The following USH2A variants were observed in gnomAD, a reference collection of about 807,000 sequenced individuals.
USH2A encodes usherin.
A neutral mutation model predicts 538.9 loss-of-function variants in USH2A; 443 were observed. That is an observed-to-expected ratio of 0.82 (90% confidence interval 0.76 to 0.89). USH2A has a LOEUF of 0.89. Ranked by LOEUF, USH2A falls within the 40% of genes least tolerant of loss-of-function variation. The pLI is 0.00. For missense variants in USH2A, 6,633 were observed against 6,324.8 expected (o/e 1.05, Z -1.65); for synonymous variants, 2,413 against 2,273.5 (o/e 1.06, Z -1.75).
intron 32 of USH2A, among the ~76,000 whole-genome samples, chr1:216,029,808 C>T (rs962448386): frequency 4.6e-5 from 7 of 151,434 alleles, no homozygotes; most frequent in Admixed American, 1.3e-4. Context: ...GGTCATGATG[C>T]GTTGTTAATG....
intron 14 of USH2A, among the ~76,000 whole-genome samples, chr1:216,225,303 T>C (rs577660311): frequency 1.1e-3 from 167 of 152,324 alleles, no homozygotes; most frequent in African/African-American, 3.7e-3. Context: ...TTATCTCTTT[T>C]CAATGTTGAA....
chr1:215,650,038 C>T (rs1266662315), intron 65 of USH2A, among the ~76,000 whole-genome samples: 1 of 152,166 alleles, frequency 6.6e-6, no homozygotes, highest in Admixed American at 6.5e-5. Flanking sequence ...TGTTAACGAA[C>T]AAACAGTGGA....
intron 61 of USH2A, among the ~76,000 whole-genome samples, chr1:215,691,769 G>A (rs1658619978): frequency 6.6e-6 from 1 of 152,186 alleles, no homozygotes; most frequent in Non-Finnish European, 1.5e-5. Context: ...CTGGGCTAGA[G>A]TAAGTGTTCA....
At chr1:216,369,441 G>C (rs2038660629) in intron 3 of USH2A, among the ~76,000 whole-genome samples, 1 of 152,082 alleles carries the variant, frequency 6.6e-6, no homozygotes, top group African/African-American at 2.4e-5. Flanking sequence ...AACTGGTAAA[G>C]TCTCCTCACT....
intron 34 of USH2A, among the ~76,000 whole-genome samples, chr1:215,996,000 T>C (rs554123963): frequency 1.6e-4 from 25 of 152,152 alleles, no homozygotes; most frequent in Non-Finnish European, 3.2e-4. Flanking sequence ...AACCTCTGCC[T>C]CTCGGGTTCA....
rs375940005 is a variant in USH2A at position 215,919,823 on chromosome 1, C to T, written c.7300+14793G>A. ...AATTTAGGTTTAATTTTTTCTGAGA[C>T]GGTCTCTCAAATACATTTAAAGATT... On this transcript the variant is annotated intron_variant, in intron 38 of 71. Transcript: ENST00000307340. Among the ~76,000 whole-genome samples, 23 of 152,064 alleles carry T rather than the reference C, an allele frequency of 1.5e-4. No individual in the cohort carries two copies. The East Asian group carries it at 1.9e-3, about 13-fold the overall frequency.
At chr1:216,103,877 A>G (rs1486560371) in intron 21 of USH2A, among the ~76,000 whole-genome samples, 3 of 152,194 alleles carry the variant, frequency 2.0e-5, no homozygotes, top group African/African-American at 7.2e-5. Context: ...CATACTCACT[A>G]GAATTGGTCA....
chr1:215,999,963 G>A (rs1351992643), intron 33 of USH2A, among the ~76,000 whole-genome samples: 5 of 152,058 alleles, frequency 3.3e-5, no homozygotes, highest in Non-Finnish European at 7.4e-5. Flanking sequence ...ATCAGGAAAT[G>A]GACAAGAATC....
At chr1:215,965,628 G>T in intron 36 of USH2A, 149 bp from the exon 37 acceptor site, 1 of 909,710 alleles carries the variant, frequency 1.1e-6, no homozygotes, top group Non-Finnish European at 1.6e-6. Context: ...TTGTCAGCAG[G>T]ATCAAAGCAC....
chr1:215,924,208 A>G (rs1252469586), intron 38 of USH2A, among the ~76,000 whole-genome samples: 2 of 152,132 alleles, frequency 1.3e-5, no homozygotes, highest in East Asian at 1.9e-4. Context: ...TTAATTAACA[A>G]TCATGAAAAG....
chr1:216,184,093 A>C (rs773336554), intron 20 of USH2A, among the ~76,000 whole-genome samples: 19 of 152,020 alleles, frequency 1.2e-4, no homozygotes, highest in Non-Finnish European at 2.5e-4. Flanking sequence ...TTTTGCACAG[A>C]TACTGTTTAT....
Position 216,138,776 on chromosome 1 carries a change from G to A in USH2A, c.4627+36476C>T, listed in dbSNP as rs2033538922. ...GGGCTGGGCATGCAGTTATCTCCCA[G>A]AAAGATTTCAGGAAGACAACTCAAG... On this transcript the variant is annotated intron_variant, in intron 21 of 71. Transcript: ENST00000307340. 1.3e-5 allele frequency among the ~76,000 whole-genome samples: 2 copies of A among 152,114 alleles called. 1 individual carries two copies. Among genetic ancestry groups the A allele is most frequent in the South Asian group, 4.1e-4 (2 of 4,836 alleles).
chr1:216,310,456 A>G (rs1178729029), intron 9 of USH2A, among the ~76,000 whole-genome samples: 2 of 152,044 alleles, frequency 1.3e-5, no homozygotes, highest in Non-Finnish European at 2.9e-5. Flanking sequence ...TCCCTCTTGA[A>G]TACCATTAAT....
intron 64 of USH2A, 125 bp from the exon 65 acceptor site, chr1:215,650,926 T>G (rs1558038147): frequency 1.0e-6 from 1 of 1,000,736 alleles, no homozygotes; most frequent in African/African-American, 1.7e-5. Context: ...CAGGAAGAGA[T>G]AAACTTTGAT....
chr1:215,858,448 T>A lies in USH2A; in HGVS notation c.8845+8559A>T, dbSNP rs141976514. 3.3e-4 allele frequency among the ~76,000 whole-genome samples: 49 copies of A among 150,596 alleles called. No individual in the cohort carries two copies. In the East Asian group the frequency reaches 9.2e-3, roughly 28 times the overall value. On this transcript the variant is annotated intron_variant, in intron 44 of 71. Coordinates refer to ENST00000307340, the MANE Select transcript of USH2A (RefSeq NM_206933.4). Reference sequence around the variant, plus strand: ...TGAGTTCTCGCAAGATCTGATGGTTTCATAAGTGTTTGACAGTTCCTCCTA... The same window carrying A: ...TGAGTTCTCGCAAGATCTGATGGTTACATAAGTGTTTGACAGTTCCTCCTA...
chr1:216,405,166 A>G lies in USH2A; in HGVS notation c.651+13348T>C, dbSNP rs567897501. 2.0e-5 allele frequency among the ~76,000 whole-genome samples: 3 copies of G among 152,268 alleles called. No homozygotes were observed. In the Middle Eastern group the frequency reaches 0.01, roughly 518 times the overall value. ...CCACCATGCCTGGCCTGAAACACATACTTAAATTTAACAATATAAAATAAA... is the reference window on the plus strand; with the variant it reads ...CCACCATGCCTGGCCTGAAACACATGCTTAAATTTAACAATATAAAATAAA... On this transcript the variant is annotated intron_variant, in intron 3 of 71. Coordinates refer to ENST00000307340, the MANE Select transcript of USH2A (RefSeq NM_206933.4).
intron 35 of USH2A, among the ~76,000 whole-genome samples, chr1:215,972,639 A>T (rs1049983074): frequency 6.6e-6 from 1 of 152,212 alleles, no homozygotes; most frequent in Non-Finnish European, 1.5e-5. Flanking sequence ...TAAATGAGTT[A>T]ATACTTTTAA....
At chr1:216,007,577 G>T (rs1193364113) in intron 32 of USH2A, among the ~76,000 whole-genome samples, 1 of 152,216 alleles carries the variant, frequency 6.6e-6, no homozygotes, top group Non-Finnish European at 1.5e-5. Context: ...CAGGTCGGGG[G>T]CAAGACCAGA....
chr1:215,706,118 G>GT (rs1659178360), intron 61 of USH2A, among the ~76,000 whole-genome samples: 1 of 152,182 alleles, frequency 6.6e-6, no homozygotes. Flanking sequence ...TCATATAATT[G>GT]TAAGGGGAAG....
Sources: gnomAD v4.1 joint callset for allele counts (sites outside exome capture counted in the v4.1 genomes callset) on GRCh38, gnomAD v4.1.1 for gene constraint, MANE v1.5 for transcripts, NCBI Gene and HGNC (gene_info 2026-07-23, HGNC 2026-07-21) for gene names.